NIM1K: variants seen among roughly 807,000 people sequenced by gnomAD.
The protein encoded by NIM1K is NIM1 serine/threonine protein kinase, also known as serine/threonine-protein kinase NIM1.
NIM1K carries 35 observed loss-of-function variants against 37.1 expected under a neutral mutation model. The ratio of observed to expected loss-of-function variants is 0.94; its 90% confidence interval spans 0.72 to 1.25. The LOEUF is 1.25. Ranked by LOEUF, NIM1K falls within the 50% of genes most tolerant of loss-of-function variation. The pLI, the probability that NIM1K is intolerant of heterozygous loss-of-function variation, is 0.00. For missense variants in NIM1K, 564 were observed against 548.0 expected (o/e 1.03, Z -0.29); for synonymous variants, 234 against 206.6 (o/e 1.13, Z -1.14).
chr5:43,272,044 C>T (rs569180656), intron 2 of NIM1K, among the ~76,000 whole-genome samples: 1 of 152,210 alleles, frequency 6.6e-6, no homozygotes, highest in Admixed American at 6.5e-5. Flanking sequence ...ATGAAGGTAC[C>T]ACAATTTGTT....
chr5:43,217,413 A>G (rs1752315212), intron 1 of NIM1K, among the ~76,000 whole-genome samples: 1 of 151,706 alleles, frequency 6.6e-6, no homozygotes. Flanking sequence ...GCTACTATAA[A>G]TAAAGCTGCT....
chr5:43,245,974 C>T lies in NIM1K; in HGVS notation c.199C>T (p.Leu67=), dbSNP rs747415040. 1.9e-6 allele frequency: 3 copies of T among 1,614,058 alleles called. No homozygotes were observed. Among genetic ancestry groups the T allele is most frequent in the Non-Finnish European group, 2.5e-6 (3 of 1,179,996 alleles). ...QDEKVVREIT[L]GKRIGFYRIR... The stretch of plus-strand genomic sequence containing the variant: ...TGAGAAGGTGGTGAGGGAGATCACG[C>T]TGGGGAAACGGATAGGCTTCTACCG... Residue 67 remains leucine (L), a synonymous_variant, in exon 2 of 4, where the codon CTG becomes TTG. Coordinates refer to ENST00000326035, the MANE Select transcript of NIM1K (RefSeq NM_153361.4).
chr5:43,209,641 C>CA (rs1752175411), intron 1 of NIM1K, among the ~76,000 whole-genome samples: 1 of 151,754 alleles, frequency 6.6e-6, no homozygotes, highest in African/African-American at 2.4e-5. Context: ...TTTTGAGACA[C>CA]AGAGTCTCGC....
chr5:43,246,187 C>T (rs932561658), intron 2 of NIM1K, 120 bp downstream of exon 2: 1 of 778,344 alleles, frequency 1.3e-6, no homozygotes, highest in South Asian at 2.0e-5. Flanking sequence ...CCTGCAAGGC[C>T]CACATCCTGT....
At chr5:43,274,065 T>C (rs1326910904) in intron 2 of NIM1K, among the ~76,000 whole-genome samples, 2 of 152,156 alleles carry the variant, frequency 1.3e-5, no homozygotes, top group African/African-American at 4.8e-5. Flanking sequence ...AGTATGATCA[T>C]ACATTTATAT....
chr5:43,264,146 G>A (rs1324157341), intron 2 of NIM1K, among the ~76,000 whole-genome samples: 3 of 152,188 alleles, frequency 2.0e-5, no homozygotes, highest in East Asian at 1.9e-4. Flanking sequence ...TCTGCGTGGT[G>A]CAGAGCTGAG....
intron 1 of NIM1K, among the ~76,000 whole-genome samples, chr5:43,193,981 TG>T (rs1336305392): frequency 2.0e-5 from 3 of 152,314 alleles, no homozygotes; most frequent in East Asian, 1.9e-4. Context: ...GGCATGTTGT[TG>T]TTTTTTTTAT....
Position 43,275,765 on chromosome 5 carries a change from C to T in NIM1K, c.293-1292C>T, listed in dbSNP as rs34150414. ...ACAGAATCTGAACATCATGTTCATCCTAGGACAAGTGTTGCAGAGGCTTCC... is the reference window on the plus strand; with the variant it reads ...ACAGAATCTGAACATCATGTTCATCTTAGGACAAGTGTTGCAGAGGCTTCC... On this transcript the variant is annotated intron_variant, in intron 2 of 3. Transcript: ENST00000326035. 6.6e-3 allele frequency among the ~76,000 whole-genome samples: 1,012 copies of T among 152,226 alleles called. 7 individuals are homozygous for T. The highest frequency in any genetic ancestry group is 0.027 in the Middle Eastern group (8 of 294).
intron 3 of NIM1K, among the ~76,000 whole-genome samples, chr5:43,278,909 G>T (rs1753395326): frequency 6.6e-6 from 1 of 152,214 alleles, no homozygotes; most frequent in Non-Finnish European, 1.5e-5. Context: ...CATTTAAGTG[G>T]CTTTGGGCTG....
At chr5:43,266,097 G>C (rs182619455) in intron 2 of NIM1K, among the ~76,000 whole-genome samples, 1 of 152,210 alleles carries the variant, frequency 6.6e-6, no homozygotes, top group Non-Finnish European at 1.5e-5. Flanking sequence ...AAGTCTGTCC[G>C]TTCTCAGATC....
At chr5:43,213,935 C>CTCTT (rs70994609) in intron 1 of NIM1K, among the ~76,000 whole-genome samples, 144,939 of 149,722 alleles carry the variant, frequency 0.97, 70,271 homozygotes, top group East Asian at 1. Flanking sequence ...AGCTCTTTCT[C>CTCTT]TCTTTCTTTC....
intron 2 of NIM1K, among the ~76,000 whole-genome samples, chr5:43,273,184 A>G (rs1444140009): frequency 6.8e-6 from 1 of 146,596 alleles, no homozygotes; most frequent in Non-Finnish European, 1.5e-5. Flanking sequence ...TGCACTTCTC[A>G]CATCTTGCCA....
At chr5:43,214,952 G>A (rs989941389) in intron 1 of NIM1K, among the ~76,000 whole-genome samples, 2 of 152,122 alleles carry the variant, frequency 1.3e-5, no homozygotes, top group African/African-American at 4.8e-5. Context: ...ACAGAGGTGG[G>A]GGTAGATGTG....
chr5:43,213,219 TTC>T lies in NIM1K; in HGVS notation c.-695+20810_-695+20811del, dbSNP rs777015057. 1.1e-3 allele frequency among the ~76,000 whole-genome samples: 65 copies of T among 61,758 alleles called. 1 individual carries two copies. Among genetic ancestry groups the T allele is most frequent in the African/African-American group, 2.8e-3 (55 of 19,508 alleles). The allele number at this position is 61,758 out of a possible 152,430, so 40.5% of individuals were successfully genotyped here. On this transcript the variant is annotated intron_variant, in intron 1 of 3. Coordinates refer to ENST00000326035, the MANE Select transcript of NIM1K (RefSeq NM_153361.4). ...TTTCTTTCTTTCTTTCTTTCTTTCT[TTC>T]TTTCCTTCTTTTCTTCCTTTCTTTC...
chr5:43,226,897 C>G (rs898329772), intron 1 of NIM1K, among the ~76,000 whole-genome samples: 1 of 152,140 alleles, frequency 6.6e-6, no homozygotes, highest in Non-Finnish European at 1.5e-5. Context: ...TCAAAGTAGT[C>G]TGAAGTAGTC....
At chr5:43,227,151 A>G (rs2112237780) in intron 1 of NIM1K, among the ~76,000 whole-genome samples, 1 of 152,298 alleles carries the variant, frequency 6.6e-6, no homozygotes, top group East Asian at 1.9e-4. Context: ...ACCTGAGGTC[A>G]GGAGTTCAAG....
chr5:43,271,802 G>A (rs751985361), intron 2 of NIM1K, among the ~76,000 whole-genome samples: 7 of 151,992 alleles, frequency 4.6e-5, no homozygotes, highest in Non-Finnish European at 8.8e-5. Context: ...CCTTCAAGTG[G>A]CTCTTCTGTA....
At chr5:43,209,734 A>G (rs1752176750) in intron 1 of NIM1K, among the ~76,000 whole-genome samples, 1 of 151,938 alleles carries the variant, frequency 6.6e-6, no homozygotes, top group African/African-American at 2.4e-5. Context: ...TCCTCCCACC[A>G]AAGCCTCCAG....
At chr5:43,271,689 T>C (rs1457340301) in intron 2 of NIM1K, among the ~76,000 whole-genome samples, 1 of 152,206 alleles carries the variant, frequency 6.6e-6, no homozygotes, top group Admixed American at 6.5e-5. Flanking sequence ...CTTGTATTCA[T>C]GCATGTGTAT....
Sources: allele counts gnomAD v4.1 joint callset (sites outside exome capture counted in the v4.1 genomes callset), GRCh38; gene constraint gnomAD v4.1.1; transcripts MANE v1.5; gene names NCBI Gene and HGNC (gene_info 2026-07-23, HGNC 2026-07-21).